AK8: variants seen among roughly 807,000 people sequenced by gnomAD.
The protein encoded by AK8 is adenylate kinase 8.
Under a neutral mutation model 54.6 loss-of-function variants are expected in AK8, and 44 were observed. That is an observed-to-expected ratio of 0.81 (90% CI 0.63 to 1.04). The LOEUF is 1.04. AK8 is among the 50% of genes least tolerant of loss of function. The probability of loss-of-function intolerance (pLI) is 0.00; values close to 1 mark genes in which losing one functional copy is unlikely to be tolerated. For missense variants in AK8, 555 were observed against 613.6 expected (o/e 0.90, Z 1.01); for synonymous variants, 239 against 245.6 (o/e 0.97, Z 0.25).
At position 132,837,643 on chromosome 9, in the gene AK8, C is replaced by T. The variant is rs1223013247; in HGVS notation, c.403-8917G>A. 6.6e-6 allele frequency among the ~76,000 whole-genome samples: 1 copy of T among 152,210 alleles called. No homozygotes were observed. The highest frequency in any genetic ancestry group is 2.4e-5 in the African/African-American group (1 of 41,446). On this transcript the variant is annotated intron_variant, in intron 5 of 12. Coordinates refer to ENST00000298545, the MANE Select transcript of AK8 (RefSeq NM_152572.3). The surrounding 1 kb of genome is among the most constrained non-coding windows in gnomAD (Gnocchi z 4.3). Reference sequence around the variant, plus strand: ...TCTGAGGCATCACACATCCACAGAGCATATCGGAACACGCGTTCCTGTCCA... The same window carrying T: ...TCTGAGGCATCACACATCCACAGAGTATATCGGAACACGCGTTCCTGTCCA...
intron 10 of AK8, among the ~76,000 whole-genome samples, chr9:132,807,478 C>A (rs1387940459): frequency 1.3e-5 from 2 of 152,204 alleles, no homozygotes; most frequent in African/African-American, 4.8e-5. Context: ...TGTTTTTCAT[C>A]TCCTCCCTGG....
At position 132,781,148 on chromosome 9, in the gene AK8, GTTCTTTCTTTGT is replaced by G. The variant is rs1316979408; in HGVS notation, c.1121+11474_1121+11485del. Among the ~76,000 whole-genome samples the G allele has an allele frequency of 1.5e-4, 22 of 150,852 alleles. No individual in the cohort carries two copies. Among genetic ancestry groups the G allele is most frequent in the Admixed American group, 1.4e-3 (22 of 15,198 alleles). The stretch of plus-strand genomic sequence containing the variant: ...GTTTCTGGATGCAGCCATGAACATA[GTTCTTTCTTTGT>G]TTCTTTCTTTCTTTCTTTTTTTTTA... On this transcript the variant is annotated intron_variant, in intron 11 of 12. Coordinates refer to ENST00000298545, the MANE Select transcript of AK8 (RefSeq NM_152572.3). The surrounding 1 kb of genome is among the most constrained non-coding windows in gnomAD (Gnocchi z 4.6).
At chr9:132,801,191 G>C (rs1440170362) in intron 10 of AK8, among the ~76,000 whole-genome samples, 1 of 152,104 alleles carries the variant, frequency 6.6e-6, no homozygotes, top group Non-Finnish European at 1.5e-5. Flanking sequence ...GCCTCCCAAA[G>C]TGCTGGGATT....
At chr9:132,849,067 C>T (rs1051269545) in intron 5 of AK8, among the ~76,000 whole-genome samples, 2 of 151,952 alleles carry the variant, frequency 1.3e-5, no homozygotes, top group Non-Finnish European at 1.5e-5. Context: ...TGCCACCACG[C>T]CCGGCTAATT....
intron 11 of AK8, among the ~76,000 whole-genome samples, chr9:132,788,515 G>C (rs1839810339): frequency 6.6e-6 from 1 of 152,196 alleles, no homozygotes; most frequent in African/African-American, 2.4e-5. Flanking sequence ...ATAGCTGACA[G>C]AAACCTTTAT....
chr9:132,802,084 C>T (rs1840485031), intron 10 of AK8, among the ~76,000 whole-genome samples: 1 of 152,234 alleles, frequency 6.6e-6, no homozygotes, highest in Non-Finnish European at 1.5e-5. Context: ...GCTTCCTCCT[C>T]TTCATGGGGA....
intron 11 of AK8, among the ~76,000 whole-genome samples, chr9:132,774,318 A>G (rs1174789556): frequency 6.6e-6 from 1 of 152,170 alleles, no homozygotes; most frequent in Non-Finnish European, 1.5e-5. Context: ...CAAGGAGGCG[A>G]TGCCTGGAGT....
intron 10 of AK8, among the ~76,000 whole-genome samples, chr9:132,805,936 T>C (rs1228110717): frequency 6.6e-6 from 1 of 151,858 alleles, no homozygotes; most frequent in Non-Finnish European, 1.5e-5. Context: ...TTAAAATGCA[T>C]AAATTACAGG....
chr9:132,787,499 A>G (rs1839764289), intron 11 of AK8, among the ~76,000 whole-genome samples: 1 of 152,204 alleles, frequency 6.6e-6, no homozygotes, highest in Non-Finnish European at 1.5e-5. Context: ...TTTCTCACCC[A>G]GCCAATCTAT....
At chr9:132,759,752 C>T (rs112955013) in intron 11 of AK8, among the ~76,000 whole-genome samples, 7 of 152,166 alleles carry the variant, frequency 4.6e-5, no homozygotes, top group African/African-American at 7.2e-5. Flanking sequence ...TGAGTGTTTC[C>T]GGGCTCTGTG....
At chr9:132,747,871 T>A (rs1024038933) in intron 11 of AK8, among the ~76,000 whole-genome samples, 1 of 150,974 alleles carries the variant, frequency 6.6e-6, no homozygotes, top group Non-Finnish European at 1.5e-5. Flanking sequence ...ATCCCAGCAC[T>A]TTGGGAGGCC....
At chr9:132,745,427 G>A (rs1054376696) in intron 11 of AK8, among the ~76,000 whole-genome samples, 1 of 152,112 alleles carries the variant, frequency 6.6e-6, no homozygotes, top group Non-Finnish European at 1.5e-5. Flanking sequence ...GTGTGCGTCC[G>A]TGTCGCGGCT....
chr9:132,821,137 A>G (rs947402825), intron 9 of AK8, among the ~76,000 whole-genome samples: 17 of 151,998 alleles, frequency 1.1e-4, no homozygotes, highest in Admixed American at 7.2e-4. Flanking sequence ...TAAAAAAAAA[A>G]AACCTTTTAT....
At chr9:132,745,334 T>C (rs1837591484) in intron 11 of AK8, among the ~76,000 whole-genome samples, 1 of 152,168 alleles carries the variant, frequency 6.6e-6, no homozygotes, top group Non-Finnish European at 1.5e-5. Flanking sequence ...GCTCCCTCTC[T>C]CGGATTACGC....
At chr9:132,787,099 CAT>C (rs1839743018) in intron 11 of AK8, among the ~76,000 whole-genome samples, 1 of 152,074 alleles carries the variant, frequency 6.6e-6, no homozygotes. Flanking sequence ...CACACACACA[CAT>C]ACACACAAAA....
rs1843353709 is a variant in AK8, at chr9:132,860,780, G to C, written c.333+2885C>G. Among the ~76,000 whole-genome samples the C allele has an allele frequency of 6.6e-6, 1 of 152,224 alleles. No homozygotes were observed. The highest frequency in any genetic ancestry group is 1.5e-5 in the Non-Finnish European group (1 of 68,044). The stretch of plus-strand genomic sequence containing the variant: ...TCCTGCAAGCCTGGCACAGCAGGTG[G>C]CTTCCCGGGTGGGCTCTTGCAGGTC... On this transcript the variant is annotated intron_variant, in intron 4 of 12. Coordinates refer to ENST00000298545, the MANE Select transcript of AK8 (RefSeq NM_152572.3). This position sits in a 1 kb window ranked among gnomAD's most constrained non-coding sequence, Gnocchi z 4.4.
intron 10 of AK8, among the ~76,000 whole-genome samples, chr9:132,808,577 T>C (rs967743096): frequency 1.3e-5 from 2 of 152,166 alleles, no homozygotes; most frequent in African/African-American, 4.8e-5. Context: ...CATAACTAAG[T>C]CTGCAGAGGT....
chr9:132,799,918 C>T lies in AK8; in HGVS notation c.980-7143G>A, dbSNP rs11243915. On this transcript the variant is annotated intron_variant, in intron 10 of 12. Coordinates refer to ENST00000298545, the MANE Select transcript of AK8 (RefSeq NM_152572.3). The surrounding 1 kb of genome is among the most constrained non-coding windows in gnomAD (Gnocchi z 5.0). Reference sequence around the variant, plus strand: ...CTGTGGTCCCTGGGTCCCTGGGTCCCGCCCCTCCTGAAGGATCCCAATAGG... The same window carrying T: ...CTGTGGTCCCTGGGTCCCTGGGTCCTGCCCCTCCTGAAGGATCCCAATAGG... Among the ~76,000 whole-genome samples the T allele has an allele frequency of 0.016, 2,457 of 152,164 alleles. 33 individuals carry two copies. Among genetic ancestry groups the T allele is most frequent in the Non-Finnish European group, 0.024 (1,654 of 68,010 alleles).
intron 11 of AK8, among the ~76,000 whole-genome samples, chr9:132,764,237 G>A (rs1292926776): frequency 1.3e-5 from 2 of 152,166 alleles, no homozygotes; most frequent in East Asian, 1.9e-4. Flanking sequence ...TTGAGCCTGG[G>A]AGGTAGACGT....
Sources: gnomAD v4.1 joint callset for allele counts (sites outside exome capture counted in the v4.1 genomes callset) on GRCh38, gnomAD v4.1.1 for gene constraint, Gnocchi (gnomAD v3.1) non-coding constraint, MANE v1.5 for transcripts, NCBI Gene and HGNC (gene_info 2026-07-23, HGNC 2026-07-21) for gene names.